Variants in EYS observed in about 807,000 individuals in gnomAD.
The protein encoded by EYS is EGF-like photoreceptor maintenance factor.
In EYS, 250 loss-of-function variants were observed where a neutral mutation model predicts 282.1. That is an observed-to-expected ratio of 0.89 (90% CI 0.80 to 0.98). EYS has a LOEUF of 0.98. Ranked by LOEUF, EYS falls within the 50% of genes least tolerant of loss-of-function variation. The pLI, the probability that EYS is intolerant of heterozygous loss-of-function variation, is 0.00. For synonymous variants in EYS, 1,355 were observed against 1,282.9 expected (o/e 1.06, Z -1.20); for missense variants, 4,016 against 3,709.0 (o/e 1.08, Z -2.15).
intron 11 of EYS, among the ~76,000 whole-genome samples, chr6:65,326,889 A>G (rs1331451420): frequency 1.3e-5 from 2 of 151,630 alleles, no homozygotes; most frequent in Non-Finnish European, 3.0e-5. Flanking sequence ...TCTTACAAAG[A>G]TTTGTCAGTA....
At chr6:65,343,996 C>A in intron 10 of EYS, 42 bp downstream of exon 10, 2 of 1,558,506 alleles carry the variant, frequency 1.3e-6, no homozygotes, top group Middle Eastern at 2.1e-4. Flanking sequence ...CAATTACAAG[C>A]TAAAGAGAAA....
At chr6:65,127,040 C>T (rs950574000) in intron 12 of EYS, among the ~76,000 whole-genome samples, 1 of 151,992 alleles carries the variant, frequency 6.6e-6, no homozygotes, top group Non-Finnish European at 1.5e-5. Context: ...GAACACTGTG[C>T]CAGGGGAAGC....
chr6:65,050,723 G>A (rs1773246439), intron 13 of EYS, among the ~76,000 whole-genome samples: 1 of 151,522 alleles, frequency 6.6e-6, no homozygotes, highest in African/African-American at 2.4e-5. Context: ...AAGAATGACT[G>A]AATATGGCCT....
chr6:64,545,724 G>A (rs9689261), intron 26 of EYS, among the ~76,000 whole-genome samples: 8,020 of 152,032 alleles, frequency 0.053, 504 homozygotes, highest in African/African-American at 0.14. Flanking sequence ...TTATACACCA[G>A]TAACAGACAC....
chr6:65,703,796 C>T (rs1255781298), intron 1 of EYS, among the ~76,000 whole-genome samples: 1 of 151,972 alleles, frequency 6.6e-6, no homozygotes, highest in Non-Finnish European at 1.5e-5. Flanking sequence ...ATCTAATGAC[C>T]TTCTCTCCAA....
chr6:65,533,827 T>C (rs1028293402), intron 2 of EYS, among the ~76,000 whole-genome samples: 18 of 152,068 alleles, frequency 1.2e-4, no homozygotes, highest in Admixed American at 1.2e-3. Flanking sequence ...GCCACCCAAT[T>C]TATGTCATTT....
intron 29 of EYS, among the ~76,000 whole-genome samples, chr6:64,350,910 G>C (rs994598295): frequency 6.6e-6 from 1 of 151,358 alleles, no homozygotes; most frequent in Non-Finnish European, 1.5e-5. Flanking sequence ...GAGTTCTCAC[G>C]GTATCTGATG....
At chr6:65,391,721 A>G (rs946531044) in intron 7 of EYS, among the ~76,000 whole-genome samples, 7 of 152,204 alleles carry the variant, frequency 4.6e-5, no homozygotes, top group African/African-American at 1.7e-4. Flanking sequence ...GGAAGAATCA[A>G]TATCATGAAA....
At chr6:64,213,647 C>T (rs1466385503) in intron 31 of EYS, among the ~76,000 whole-genome samples, 1 of 152,112 alleles carries the variant, frequency 6.6e-6, no homozygotes, top group Non-Finnish European at 1.5e-5. Flanking sequence ...AGATAACAGT[C>T]TAATCCAGAG....
At chr6:65,643,680 A>G (rs2149814760) in intron 1 of EYS, among the ~76,000 whole-genome samples, 1 of 152,030 alleles carries the variant, frequency 6.6e-6, no homozygotes, top group South Asian at 2.1e-4. Context: ...AGTCCACCTC[A>G]CTCCCCTACT....
chr6:65,314,072 G>A (rs1378811453), intron 11 of EYS, among the ~76,000 whole-genome samples: 1 of 152,040 alleles, frequency 6.6e-6, no homozygotes, highest in East Asian at 1.9e-4. Context: ...TCCATTGGCT[G>A]TTCCATCTGC....
chr6:64,783,286 A>G (rs1773915727), intron 22 of EYS, among the ~76,000 whole-genome samples: 1 of 151,586 alleles, frequency 6.6e-6, no homozygotes, highest in African/African-American at 2.4e-5. Flanking sequence ...ACCTTATCCT[A>G]TATACATATC....
chr6:65,486,786 T>C (rs1297842845), intron 5 of EYS, among the ~76,000 whole-genome samples: 2 of 152,210 alleles, frequency 1.3e-5, no homozygotes, highest in African/African-American at 2.4e-5. Context: ...ATAGAAATCA[T>C]TTACTTCATG....
At chr6:64,129,722 T>A (rs1010937466) in intron 31 of EYS, among the ~76,000 whole-genome samples, 1 of 152,220 alleles carries the variant, frequency 6.6e-6, no homozygotes. Flanking sequence ...ATGTCCTGAA[T>A]GGTATTGCCT....
intron 14 of EYS, among the ~76,000 whole-genome samples, chr6:64,950,858 T>G (rs1769480562): frequency 7.9e-6 from 1 of 126,080 alleles, no homozygotes; most frequent in Non-Finnish European, 1.6e-5. Flanking sequence ...CAAGAACAAC[T>G]GAAGTTGACT....
chr6:65,002,705 T>C (rs1396322522), intron 13 of EYS, among the ~76,000 whole-genome samples: 1 of 147,882 alleles, frequency 6.8e-6, no homozygotes, highest in African/African-American at 2.4e-5. Flanking sequence ...TATTGAGGTG[T>C]TGTGGGAAGT....
At chr6:65,435,275 G>C (rs1271839625) in intron 5 of EYS, among the ~76,000 whole-genome samples, 1 of 151,884 alleles carries the variant, frequency 6.6e-6, no homozygotes, top group Admixed American at 6.6e-5. Flanking sequence ...TATTTATGAT[G>C]ATAAAGCCTT....
At chr6:65,706,221 T>C (rs977446567) in intron 1 of EYS, among the ~76,000 whole-genome samples, 2 of 151,818 alleles carry the variant, frequency 1.3e-5, no homozygotes, top group African/African-American at 4.8e-5. Context: ...CATGAGTATA[T>C]ATATCAATAG....
At chr6:65,425,463 A>T (rs1313913899) in intron 5 of EYS, among the ~76,000 whole-genome samples, 2 of 152,120 alleles carry the variant, frequency 1.3e-5, no homozygotes, top group African/African-American at 2.4e-5. Context: ...ATAGACTCAG[A>T]TTGCAAAGAG....
Sources: allele counts gnomAD v4.1 joint callset (sites outside exome capture counted in the v4.1 genomes callset), GRCh38; gene constraint gnomAD v4.1.1; transcripts MANE v1.5; gene names NCBI Gene and HGNC (gene_info 2026-07-23, HGNC 2026-07-21).